The following ATF7 variants were observed in gnomAD, a reference collection of about 807,000 sequenced individuals.
The protein encoded by ATF7 is cyclic AMP-dependent transcription factor ATF-7.
In ATF7, 10 loss-of-function variants were observed where a neutral mutation model predicts 50.4. The observed-to-expected ratio is 0.20, with a 90% confidence interval of 0.12 to 0.34. ATF7 has a LOEUF of 0.34. Ranked by LOEUF, ATF7 falls within the 10% of genes least tolerant of loss-of-function variation. The pLI is 1.00. For missense variants in ATF7, 465 were observed against 613.9 expected, an observed-to-expected ratio of 0.76 and a Z score of 2.56; for synonymous variants, 201 against 226.4, an observed-to-expected ratio of 0.89 and a Z score of 1.01.
intron 9 of ATF7, among the ~76,000 whole-genome samples, chr12:53,526,180 C>T (rs1938447262): frequency 6.6e-6 from 1 of 150,790 alleles, no homozygotes; most frequent in African/African-American, 2.4e-5. Flanking sequence ...TGCACTCCAG[C>T]CTGGATAACA....
chr12:53,549,664 C>T (rs1201006144), intron 3 of ATF7, among the ~76,000 whole-genome samples: 1 of 152,178 alleles, frequency 6.6e-6, no homozygotes, highest in Non-Finnish European at 1.5e-5. Flanking sequence ...ACTGCAACCT[C>T]TGCCTCCCAG....
Position 53,516,771 on chromosome 12 carries a change from A to G in ATF7, c.*366T>C, listed in dbSNP as rs1400550862. ...AGGTAACAGCCACGGCTTAGTGGGAAGAGAGGGAACTGAGAAACCCCAAAC... is the reference window on the plus strand; with the variant it reads ...AGGTAACAGCCACGGCTTAGTGGGAGGAGAGGGAACTGAGAAACCCCAAAC... On this transcript the variant is annotated 3_prime_UTR_variant, in exon 12 of 12. Transcript: ENST00000420353. The G allele has an allele frequency of 4.4e-6, 1 of 225,276 alleles. No homozygotes were observed. The highest frequency in any genetic ancestry group is 2.2e-5 in the African/African-American group (1 of 45,160). The allele number at this position is 225,276 out of a possible 1,614,324, so 14.0% of individuals were successfully genotyped here.
At chr12:53,571,077 C>T (rs144713780) in intron 2 of ATF7, among the ~76,000 whole-genome samples, 9 of 152,170 alleles carry the variant, frequency 5.9e-5, no homozygotes, top group East Asian at 1.9e-4. Flanking sequence ...CTATCACAAG[C>T]GTCCTTCTAA....
chr12:53,532,726 G>T, intron 7 of ATF7, 103 bp from the exon 8 acceptor site: 1 of 807,110 alleles, frequency 1.2e-6, no homozygotes. Context: ...TGGCACATCA[G>T]GGCCTGTTGT....
chr12:53,572,716 G>A (rs910508210), intron 2 of ATF7, among the ~76,000 whole-genome samples: 8 of 152,220 alleles, frequency 5.3e-5, no homozygotes, highest in African/African-American at 1.9e-4. Context: ...GGAGGCTGAC[G>A]TGGGAGGACC....
chr12:53,546,227 CAACCAACAAAAATT>C (rs1225265315), intron 3 of ATF7, among the ~76,000 whole-genome samples: 2 of 149,574 alleles, frequency 1.3e-5, no homozygotes. Flanking sequence ...AAACAAAAAA[CAACCAACAAAAATT>C]AACCGGTGTG....
At chr12:53,540,265 C>T (rs978089208) in intron 4 of ATF7, among the ~76,000 whole-genome samples, 2 of 150,426 alleles carry the variant, frequency 1.3e-5, no homozygotes, top group Non-Finnish European at 3.0e-5. Flanking sequence ...ACAGGATAAT[C>T]ACTTGAACTC....
Position 53,520,161 on chromosome 12 carries a change from G to T in ATF7, c.1235-2807C>A, listed in dbSNP as rs60591707. Reference sequence around the variant, plus strand: ...CCTGGTTGTTTCTTCTCAGTCTCTTGTGGGTTCTTTCTCATTTCTATGAAC... The same window carrying T: ...CCTGGTTGTTTCTTCTCAGTCTCTTTTGGGTTCTTTCTCATTTCTATGAAC... On this transcript the variant is annotated intron_variant, in intron 11 of 11. Coordinates refer to ENST00000420353, the MANE Select transcript of ATF7 (RefSeq NM_006856.3). 1.5e-3 allele frequency among the ~76,000 whole-genome samples: 231 copies of T among 152,262 alleles called. 1 individual carries two copies. Among genetic ancestry groups the T allele is most frequent in the African/African-American group, 5.3e-3 (222 of 41,528 alleles).
intron 2 of ATF7, among the ~76,000 whole-genome samples, chr12:53,571,846 C>A (rs928730419): frequency 1.3e-5 from 2 of 152,172 alleles, no homozygotes; most frequent in South Asian, 4.1e-4. Context: ...GCAGCCAGAT[C>A]ACCTGAAGTC....
Position 53,515,768 on chromosome 12 carries a change from C to T in ATF7, c.*1369G>A, listed in dbSNP as rs1021963807. The T allele has an allele frequency of 7.9e-5, 12 of 152,198 alleles. No homozygotes were observed. The highest frequency in any genetic ancestry group is 1.3e-4 in the Non-Finnish European group (9 of 68,068). 9.4% of individuals were successfully genotyped at this position (152,198 alleles called of 1,614,324 possible). A position where few individuals can be genotyped will look rare whatever the true frequency, so the allele number is the denominator to read the frequency against. On this transcript the variant is annotated 3_prime_UTR_variant, in exon 12 of 12. Transcript: ENST00000420353. ...CTTTCAATCTTATACTCAAGTAAAC[C>T]CACTCAGCATCTTGGCTATGACGCT...
chr12:53,591,397 T>G (rs1942931159), intron 2 of ATF7, among the ~76,000 whole-genome samples: 1 of 152,140 alleles, frequency 6.6e-6, no homozygotes, highest in Non-Finnish European at 1.5e-5. Flanking sequence ...GACAACCTCA[T>G]AGTGGCATTT....
At chr12:53,557,496 C>T (rs1007992261) in intron 2 of ATF7, among the ~76,000 whole-genome samples, 1 of 152,212 alleles carries the variant, frequency 6.6e-6, no homozygotes, top group Non-Finnish European at 1.5e-5. Context: ...AGCCACCCTG[C>T]CCAGCCCCTC....
intron 3 of ATF7, among the ~76,000 whole-genome samples, chr12:53,545,267 T>G (rs1260488329): frequency 6.6e-6 from 1 of 152,168 alleles, no homozygotes; most frequent in Non-Finnish European, 1.5e-5. Context: ...ACTGCAAATA[T>G]ATCAGAGAAC....
chr12:53,537,477 C>T lies in ATF7; in HGVS notation c.340G>A (p.Val114Ile), dbSNP rs1939290257. The change falls in exon 5 of 12, where the codon GTA becomes ATA. Residue 114 changes from valine to isoleucine, a missense_variant. Transcript: ENST00000420353. ...IKIKEEEPVE[V>I]DSSPPDSPAS... ...GGGCTATCAGGTGGGGATGAGTCTA[C>T]CTCCACTGGCTCTTCTTCTTTGATT... is the stretch of plus-strand genomic sequence containing the variant. 3 of 1,613,768 alleles carry T rather than the reference C, an allele frequency of 1.9e-6. No individual in the cohort carries two copies. Among genetic ancestry groups the T allele is most frequent in the Non-Finnish European group, 2.5e-6 (3 of 1,179,862 alleles).
In ATF7 at chr12:53,588,145, C is replaced by T. The variant is rs561950755; in HGVS notation, c.48+12808G>A. 2.0e-5 allele frequency among the ~76,000 whole-genome samples: 3 copies of T among 152,178 alleles called. No homozygotes were observed. In the South Asian group the frequency reaches 6.2e-4, roughly 32 times the overall value. The stretch of plus-strand genomic sequence containing the variant: ...GATTTCAGGCATGAGCCACTGCGCC[C>T]GGCCACTTCTACATATTTTTATCAC... On this transcript the variant is annotated intron_variant, in intron 2 of 11. Transcript: ENST00000420353.
intron 4 of ATF7, among the ~76,000 whole-genome samples, chr12:53,539,049 C>A (rs145862019): frequency 3.9e-5 from 6 of 152,304 alleles, no homozygotes; most frequent in Admixed American, 1.3e-4. Flanking sequence ...CAAAGTTCCA[C>A]ACTCATTAAA....
chr12:53,616,103 T>C (rs554495812), intron 1 of ATF7, among the ~76,000 whole-genome samples: 13 of 152,204 alleles, frequency 8.5e-5, no homozygotes, highest in African/African-American at 3.1e-4. Flanking sequence ...GGAATTCCAC[T>C]CAAAGGAAGC....
chr12:53,594,874 C>A (rs570818785), intron 2 of ATF7, among the ~76,000 whole-genome samples: 4 of 144,854 alleles, frequency 2.8e-5, no homozygotes, highest in Middle Eastern at 3.6e-3. Context: ...GGTGACAGAG[C>A]GAGACCCCAT....
chr12:53,549,165 T>G (rs1040801397), intron 3 of ATF7, among the ~76,000 whole-genome samples: 2 of 151,634 alleles, frequency 1.3e-5, no homozygotes, highest in Non-Finnish European at 2.9e-5. Flanking sequence ...CGGGCGCCTG[T>G]AGTCCCAGCT....
Sources: gnomAD v4.1 joint callset for allele counts (sites outside exome capture counted in the v4.1 genomes callset) on GRCh38, gnomAD v4.1.1 for gene constraint, MANE v1.5 for transcripts, NCBI Gene and HGNC (gene_info 2026-07-23, HGNC 2026-07-21) for gene names.